Variants in MORN1 observed in about 807,000 individuals in gnomAD.
The protein encoded by MORN1 is MORN repeat containing 1, also known as MORN repeat-containing protein 1.
MORN1 carries 67 observed loss-of-function variants against 61.9 expected under a neutral mutation model. The ratio of observed to expected loss-of-function variants is 1.08; its 90% CI spans 0.89 to 1.33. The LOEUF (loss-of-function observed/expected upper bound fraction) is 1.33, where lower values mean the gene tolerates loss of function less well. Ranked by LOEUF, MORN1 falls within the 40% of genes most tolerant of loss-of-function variation. The pLI is 0.00. For synonymous variants in MORN1, 301 were observed against 292.0 expected (o/e 1.03, Z -0.31); for missense variants, 752 against 691.2 (o/e 1.09, Z -0.99).
In MORN1 at chr1:2,352,817, C is replaced by T. The variant is rs982447011; in HGVS notation, c.1036+4615G>A. On this transcript the variant is annotated intron_variant, in intron 10 of 13. Coordinates refer to ENST00000378531, the MANE Select transcript of MORN1 (RefSeq NM_024848.3). ...TGTTGGATTATCTTCTGGCCTGAAGCTCTCTGGCCTGATGTCTGTGCCCTG... is the reference window on the plus strand; with the variant it reads ...TGTTGGATTATCTTCTGGCCTGAAGTTCTCTGGCCTGATGTCTGTGCCCTG... The T allele has an allele frequency of 3.3e-5, 5 of 152,404 alleles. 1 individual carries two copies. The highest frequency in any genetic ancestry group is 1.3e-4 in the Admixed American group (2 of 15,306). 9.4% of individuals were successfully genotyped at this position (152,404 alleles called of 1,614,324 possible). A position where few individuals can be genotyped will look rare whatever the true frequency, so the allele number is the denominator to read the frequency against.
At chr1:2,344,815 C>T (rs1383034922) in intron 10 of MORN1, among the ~76,000 whole-genome samples, 1 of 152,236 alleles carries the variant, frequency 6.6e-6, no homozygotes, top group Non-Finnish European at 1.5e-5. Flanking sequence ...CCTTGGGGGC[C>T]ACCTCCACCT....
chr1:2,343,212 G>A lies in MORN1; in HGVS notation c.1037-6362C>T, dbSNP rs189470159. Among the ~76,000 whole-genome samples the A allele has an allele frequency of 1.3e-3, 192 of 152,306 alleles. 1 individual carries two copies. The highest frequency in any genetic ancestry group is 4.5e-3 in the African/African-American group (188 of 41,562). The stretch of plus-strand genomic sequence containing the variant: ...ATGATGCTGACGTTTCTCCACTGCT[G>A]CCTTCAGACCTGCCTCTGGGACCTG... On this transcript the variant is annotated intron_variant, in intron 10 of 13. Transcript: ENST00000378531.
At chr1:2,387,667 G>T in intron 3 of MORN1, 138 bp from the exon 4 acceptor site, 1 of 652,952 alleles carries the variant, frequency 1.5e-6, no homozygotes, top group Non-Finnish European at 2.8e-6. Flanking sequence ...ATACTACTCA[G>T]TCTGCTTCAT....
intron 2 of MORN1, among the ~76,000 whole-genome samples, chr1:2,388,677 G>T (rs1291562308): frequency 2.6e-5 from 4 of 151,492 alleles, no homozygotes; most frequent in African/African-American, 9.7e-5. Context: ...TGCTCAGGAG[G>T]CTGAGGTGGG....
rs541595960 is a variant in MORN1 at position 2,380,203 on chromosome 1, G to A, written c.537+4775C>T. Among the ~76,000 whole-genome samples, 5 of 152,364 alleles carry A rather than the reference G, an allele frequency of 3.3e-5. 1 individual carries two copies. In the South Asian group the frequency reaches 1.0e-3, roughly 32 times the overall value. Reference sequence around the variant, plus strand: ...GAGTCTACAAACACACAGTGGAACAGTGGCTGCCAGGGGTTGGAGCGTGGG... The same window carrying A: ...GAGTCTACAAACACACAGTGGAACAATGGCTGCCAGGGGTTGGAGCGTGGG... On this transcript the variant is annotated intron_variant, in intron 6 of 13. Transcript: ENST00000378531.
At chr1:2,344,185 T>C (rs896922497) in intron 10 of MORN1, among the ~76,000 whole-genome samples, 41 of 152,322 alleles carry the variant, frequency 2.7e-4, no homozygotes, top group Admixed American at 1.3e-3. Flanking sequence ...CCAGGGGCAC[T>C]GCCCTCAGGC....
intron 6 of MORN1, among the ~76,000 whole-genome samples, chr1:2,382,708 C>T (rs1642400951): frequency 6.6e-6 from 1 of 152,154 alleles, no homozygotes; most frequent in African/African-American, 2.4e-5. Context: ...GGACACAAGT[C>T]CCCAGGGGAG....
chr1:2,331,237 C>T (rs1641141746), intron 12 of MORN1, among the ~76,000 whole-genome samples: 1 of 152,204 alleles, frequency 6.6e-6, no homozygotes, highest in Non-Finnish European at 1.5e-5. Flanking sequence ...AGGAGCCCCT[C>T]GTGCAGCCTC....
chr1:2,325,831 C>T (rs1157557663), intron 12 of MORN1, among the ~76,000 whole-genome samples: 1 of 152,008 alleles, frequency 6.6e-6, no homozygotes, highest in Non-Finnish European at 1.5e-5. Context: ...CACTATGTTG[C>T]CCAGGCTGGT....
intron 6 of MORN1, 21 bp from the exon 7 acceptor site, chr1:2,374,578 C>T (rs1360217690): frequency 1.3e-6 from 2 of 1,568,840 alleles, no homozygotes; most frequent in Non-Finnish European, 1.7e-6. Context: ...AAGGGTGAGG[C>T]TCAGGCTGGT....
chr1:2,390,280 G>C (rs1411121444), intron 1 of MORN1, among the ~76,000 whole-genome samples: 1 of 152,358 alleles, frequency 6.6e-6, no homozygotes, highest in East Asian at 1.9e-4. Flanking sequence ...AGGTCCTTGA[G>C]AGACCAGAGG....
At chr1:2,335,846 C>CCCAGCCCGGCCCGGCCCGGCCCGGCCCG (rs370659459) in intron 12 of MORN1, among the ~76,000 whole-genome samples, 1 of 149,930 alleles carries the variant, frequency 6.7e-6, no homozygotes, top group Non-Finnish European at 1.5e-5. Context: ...CCCAGCCCAG[C>CCCAGCCCGGCCCGGCCCGGCCCGGCCCG]GCGCAGCTGC....
At chr1:2,322,485 T>C (rs1318508850) in intron 13 of MORN1, 1 of 985,242 alleles carries the variant, frequency 1.0e-6, no homozygotes, top group East Asian at 1.1e-4. Context: ...CGCCTGTGCG[T>C]TCCCAGGGCT....
At chr1:2,338,186 G>A (rs1452100020) in intron 10 of MORN1, among the ~76,000 whole-genome samples, 1 of 152,208 alleles carries the variant, frequency 6.6e-6, no homozygotes, top group Non-Finnish European at 1.5e-5. Context: ...GAGACGCTAG[G>A]GAGAGCCAGC....
At chr1:2,378,261 TG>T in intron 6 of MORN1, 2 of 152,768 alleles carry the variant, frequency 1.3e-5, no homozygotes, top group Middle Eastern at 3.4e-3. Flanking sequence ...CCCAGGGTGG[TG>T]GGGGGTCCAC....
chr1:2,363,805 C>CAAACAA (rs140866260), intron 8 of MORN1, among the ~76,000 whole-genome samples: 25,780 of 124,298 alleles, frequency 0.21, 2,707 homozygotes, highest in South Asian at 0.27. Context: ...AACAAACAAA[C>CAAACAA]AAAAAAATAT....
chr1:2,385,391 C>T (rs569664455), intron 5 of MORN1: 5 of 444,216 alleles, frequency 1.1e-5, no homozygotes, highest in East Asian at 4.2e-5. Context: ...GAGACTCCGC[C>T]GTGGGAATTT....
Position 2,323,272 on chromosome 1 carries a change from C to T in MORN1, c.1297+825G>A, listed in dbSNP as rs75453348. The T allele has an allele frequency of 2.7e-3, 2,664 of 985,382 alleles. 61 individuals carry two copies. The African/African-American group carries it at 0.042, about 16-fold the overall frequency. The allele number at this position is 985,382 out of a possible 1,614,324, so 61.0% of individuals were successfully genotyped here. On this transcript the variant is annotated intron_variant, in intron 13 of 13. Coordinates refer to ENST00000378531, the MANE Select transcript of MORN1 (RefSeq NM_024848.3). ...GGCCACACGGGTGCCGTCCCCACGA[C>T]CAGGGTGGCTCTGCTTGTTCTCCCG...
At chr1:2,360,008 T>C (rs1331224159) in intron 8 of MORN1, among the ~76,000 whole-genome samples, 1 of 152,072 alleles carries the variant, frequency 6.6e-6, no homozygotes, top group Non-Finnish European at 1.5e-5. Flanking sequence ...ACATGGGCCA[T>C]TCGGACAAAG....
Sources: gnomAD v4.1 joint callset for allele counts (sites outside exome capture counted in the v4.1 genomes callset) on GRCh38, gnomAD v4.1.1 for gene constraint, MANE v1.5 for transcripts, NCBI Gene and HGNC (gene_info 2026-07-23, HGNC 2026-07-21) for gene names.